VSTM2L: variants seen among roughly 807,000 people sequenced by gnomAD.
VSTM2L encodes the protein V-set and transmembrane domain containing 2 like.
A neutral mutation model predicts 19.9 loss-of-function variants in VSTM2L; 9 were observed. The ratio of observed to expected loss-of-function variants is 0.45; its 90% confidence interval spans 0.27 to 0.79. The LOEUF is 0.79. Ranked by LOEUF, VSTM2L falls within the 30% of genes least tolerant of loss-of-function variation. The probability of loss-of-function intolerance (pLI) is 0.15; values close to 1 mark genes in which losing one functional copy is unlikely to be tolerated. For synonymous variants in VSTM2L, 127 were observed against 133.8 expected (o/e 0.95, Z 0.35); for missense variants, 286 against 295.5 (o/e 0.97, Z 0.24).
At chr20:37,938,198 G>A (rs11698316) in intron 3 of VSTM2L, among the ~76,000 whole-genome samples, 15,794 of 152,210 alleles carry the variant, frequency 0.1, 926 homozygotes, top group Middle Eastern at 0.22. Flanking sequence ...AAGGGGTCCA[G>A]TGGTGTTTAG....
chr20:37,937,480 C>A (rs916444362), intron 3 of VSTM2L, among the ~76,000 whole-genome samples: 1 of 152,064 alleles, frequency 6.6e-6, no homozygotes, highest in Non-Finnish European at 1.5e-5. Flanking sequence ...GTTTTTCTTT[C>A]GATCTAACTA....
chr20:37,938,058 G>T (rs1166005199), intron 3 of VSTM2L, among the ~76,000 whole-genome samples: 2 of 152,124 alleles, frequency 1.3e-5, no homozygotes, highest in Non-Finnish European at 2.9e-5. Flanking sequence ...AAATTGGTCT[G>T]GCTGTTGTGG....
chr20:37,908,643 T>C (rs921339384), intron 1 of VSTM2L, among the ~76,000 whole-genome samples: 1 of 151,884 alleles, frequency 6.6e-6, no homozygotes, highest in African/African-American at 2.4e-5. Flanking sequence ...TGAGAACTCA[T>C]CTCTACAAAA....
In VSTM2L at chr20:37,923,690, C is replaced by T. The variant is rs535317373; in HGVS notation, c.122-7945C>T. Among the ~76,000 whole-genome samples, 7 of 152,254 alleles carry T rather than the reference C, an allele frequency of 4.6e-5. No individual in the cohort carries two copies. The East Asian group carries it at 1.3e-3, about 29-fold the overall frequency. ...AAGAGGAGAGATGGATTCTATGTCC[C>T]AGACTCAGCAGTGATGCTCACATGG... is the stretch of plus-strand genomic sequence containing the variant. On this transcript the variant is annotated intron_variant, in intron 1 of 3. Transcript: ENST00000373461.
Position 37,903,234 on chromosome 20 carries a change from G to T in VSTM2L, c.-117G>T. 1 of 1,202,890 alleles carries T rather than the reference G, an allele frequency of 8.3e-7. No homozygotes were observed. The highest frequency in any genetic ancestry group is 3.3e-5 in the South Asian group (1 of 29,946). 74.5% of individuals were successfully genotyped at this position (1,202,890 alleles called of 1,614,324 possible). On this transcript the variant is annotated 5_prime_UTR_variant, in exon 1 of 4. Coordinates refer to ENST00000373461, the MANE Select transcript of VSTM2L (RefSeq NM_080607.3). ...GCCGGGTCCGGGGACAGCGGGCGAGGGGCAGCTGCCGGAGCCGGGCAGCCA... is the reference window on the plus strand; with the variant it reads ...GCCGGGTCCGGGGACAGCGGGCGAGTGGCAGCTGCCGGAGCCGGGCAGCCA...
At chr20:37,928,742 G>A (rs1396161024) in intron 1 of VSTM2L, among the ~76,000 whole-genome samples, 2 of 152,156 alleles carry the variant, frequency 1.3e-5, no homozygotes, top group East Asian at 1.9e-4. Flanking sequence ...ACAACAGAGC[G>A]AGACCCTGTC....
chr20:37,944,872 C>A lies in VSTM2L; in HGVS notation c.*619C>A, dbSNP rs1008273233. 3.0e-6 allele frequency: 3 copies of A among 985,854 alleles called. No individual in the cohort carries two copies. Among genetic ancestry groups the A allele is most frequent in the South Asian group, 4.7e-5 (1 of 21,294 alleles). 61.1% of individuals were successfully genotyped at this position (985,854 alleles called of 1,614,324 possible). A position where few individuals can be genotyped will look rare whatever the true frequency, so the allele number is the denominator to read the frequency against. ...CCTTCCTGTTCAGCTCCCTGTGCGA[C>A]CCTCCAGGGATGCAGGGGATCCAGG... is the stretch of plus-strand genomic sequence containing the variant. On this transcript the variant is annotated 3_prime_UTR_variant, in exon 4 of 4. Coordinates refer to ENST00000373461, the MANE Select transcript of VSTM2L (RefSeq NM_080607.3).
rs746668219 is a variant in VSTM2L, at chr20:37,931,706, C to T, written c.193C>T (p.Arg65Cys). The part of the protein sequence containing the change: ...GEDVEMACSF[R>C]GSGSPSYSLE... Reference sequence around the variant, plus strand: ...GGACGTGGAGATGGCCTGCTCCTTCCGCGGCAGCGGCTCCCCCTCCTACTC... The same window carrying T: ...GGACGTGGAGATGGCCTGCTCCTTCTGCGGCAGCGGCTCCCCCTCCTACTC... The change falls in exon 2 of 4, where the codon CGC (arginine) becomes TGC (cysteine). Residue 65 changes from arginine to cysteine, a missense_variant. Transcript: ENST00000373461. The T allele has an allele frequency of 2.5e-6, 4 of 1,613,714 alleles. No homozygotes were observed. Among genetic ancestry groups the T allele is most frequent in the Non-Finnish European group, 3.4e-6 (4 of 1,180,016 alleles).
At chr20:37,915,765 G>T (rs570045793) in intron 1 of VSTM2L, among the ~76,000 whole-genome samples, 8 of 152,124 alleles carry the variant, frequency 5.3e-5, no homozygotes, top group East Asian at 1.9e-4. Context: ...GGTCCTGGGT[G>T]GGGGGTCAGG....
intron 1 of VSTM2L, among the ~76,000 whole-genome samples, chr20:37,914,280 G>A (rs79271037): frequency 4.3e-4 from 59 of 137,492 alleles, no homozygotes; most frequent in African/African-American, 1.5e-3. Context: ...GTGTCTGTGT[G>A]TATATGTGTG....
chr20:37,936,657 C>T (rs1382533548), intron 3 of VSTM2L, among the ~76,000 whole-genome samples: 2 of 152,196 alleles, frequency 1.3e-5, no homozygotes, highest in African/African-American at 4.8e-5. Context: ...TGCTGACTGC[C>T]AGGCGGGGAC....
chr20:37,909,415 C>T (rs191522413), intron 1 of VSTM2L, among the ~76,000 whole-genome samples: 18 of 152,224 alleles, frequency 1.2e-4, no homozygotes, highest in African/African-American at 4.1e-4. Context: ...GTCAGATTCC[C>T]TTGTGTCCTG....
At chr20:37,910,497 C>A (rs1004750119) in intron 1 of VSTM2L, among the ~76,000 whole-genome samples, 1 of 152,208 alleles carries the variant, frequency 6.6e-6, no homozygotes, top group Non-Finnish European at 1.5e-5. Flanking sequence ...CAATTGGGCA[C>A]CTGTCATGTG....
intron 3 of VSTM2L, among the ~76,000 whole-genome samples, chr20:37,941,463 A>ACT (rs1555842099): frequency 6.6e-6 from 1 of 151,972 alleles, no homozygotes; most frequent in Non-Finnish European, 1.5e-5. Flanking sequence ...CCCAGGGCAG[A>ACT]TTGGTAAGAC....
intron 3 of VSTM2L, among the ~76,000 whole-genome samples, chr20:37,941,895 C>T (rs538382179): frequency 7.1e-6 from 1 of 140,114 alleles, no homozygotes; most frequent in Admixed American, 7.1e-5. Flanking sequence ...GGCCCAACTC[C>T]TTTTTTTTTT....
At chr20:37,934,825 G>C (rs1199949506) in intron 3 of VSTM2L, among the ~76,000 whole-genome samples, 2 of 152,170 alleles carry the variant, frequency 1.3e-5, no homozygotes, top group Admixed American at 6.5e-5. Flanking sequence ...GTGGGCAAGA[G>C]AGCAAGGATC....
chr20:37,928,849 C>T (rs2122963737), intron 1 of VSTM2L, among the ~76,000 whole-genome samples: 1 of 152,274 alleles, frequency 6.6e-6, no homozygotes, highest in South Asian at 2.1e-4. Flanking sequence ...ATAAAATAGG[C>T]ATATTAGCTG....
At position 37,945,144 on chromosome 20, in the gene VSTM2L, C is replaced by T. The variant is rs574368219; in HGVS notation, c.*891C>T. ...TCAGTTCCCTCACGATTCCCGATCA[C>T]GGGCACACCTGCCCCCTGGTTATTT... is the stretch of plus-strand genomic sequence containing the variant. On this transcript the variant is annotated 3_prime_UTR_variant, in exon 4 of 4. Coordinates refer to ENST00000373461, the MANE Select transcript of VSTM2L (RefSeq NM_080607.3). 581 of 985,688 alleles carry T rather than the reference C, an allele frequency of 5.9e-4. 3 individuals carry two copies. The African/African-American group carries it at 6.9e-3, about 12-fold the overall frequency. The allele number at this position is 985,688 out of a possible 1,614,324, so 61.1% of individuals were successfully genotyped here.
At chr20:37,919,242 G>A (rs2072836840) in intron 1 of VSTM2L, among the ~76,000 whole-genome samples, 1 of 152,224 alleles carries the variant, frequency 6.6e-6, no homozygotes, top group Non-Finnish European at 1.5e-5. Context: ...CTTACAAAAT[G>A]CCTTCTTCTT....
Sources: allele counts gnomAD v4.1 joint callset (sites outside exome capture counted in the v4.1 genomes callset), GRCh38; gene constraint gnomAD v4.1.1; transcripts MANE v1.5; gene names NCBI Gene and HGNC (gene_info 2026-07-23, HGNC 2026-07-21).